Variants in DOCK3 observed in about 807,000 individuals in gnomAD.
DOCK3 encodes dedicator of cytokinesis 3.
In DOCK3, 60 loss-of-function variants were observed where a neutral mutation model predicts 265.6. The observed-to-expected ratio is 0.23, with a 90% CI of 0.18 to 0.28. DOCK3 has a LOEUF of 0.28. DOCK3 is among the 10% of genes least tolerant of loss of function. The pLI is 1.00. For missense variants in DOCK3, 1,981 were observed against 2,594.3 expected (o/e 0.76, Z 5.14); for synonymous variants, 881 against 938.0 (o/e 0.94, Z 1.11).
At chr3:51,250,269 TAAAA>T (rs200311513) in intron 22 of DOCK3, among the ~76,000 whole-genome samples, 2 of 136,188 alleles carry the variant, frequency 1.5e-5, no homozygotes, top group African/African-American at 2.8e-5. Context: ...GAATGATCAA[TAAAA>T]AAAAAAAAAA....
intron 5 of DOCK3, among the ~76,000 whole-genome samples, chr3:50,948,510 C>A (rs1463871918): frequency 1.3e-5 from 2 of 148,546 alleles, no homozygotes; most frequent in East Asian, 2.0e-4. Context: ...CTCAAGAGAT[C>A]CTCCCATTTC....
At chr3:51,311,091 G>C (rs994424013) in intron 28 of DOCK3, among the ~76,000 whole-genome samples, 1 of 152,220 alleles carries the variant, frequency 6.6e-6, no homozygotes, top group African/African-American at 2.4e-5. Flanking sequence ...AAGTTGCACA[G>C]ATACTTCCTC....
intron 27 of DOCK3, among the ~76,000 whole-genome samples, chr3:51,295,684 ATTTC>A (rs1387657895): frequency 4.0e-5 from 6 of 149,990 alleles, no homozygotes; most frequent in Non-Finnish European, 7.4e-5. Context: ...CAAAAGATTA[ATTTC>A]TTTCTCCTAA....
chr3:51,228,344 T>C (rs923561848), intron 17 of DOCK3, among the ~76,000 whole-genome samples: 63 of 152,230 alleles, frequency 4.1e-4, no homozygotes, highest in African/African-American at 1.4e-3. Flanking sequence ...CAACCCCTCA[T>C]TGCCATTGTG....
intron 5 of DOCK3, among the ~76,000 whole-genome samples, chr3:51,005,628 A>G (rs1047913099): frequency 2.0e-5 from 3 of 152,162 alleles, no homozygotes; most frequent in Admixed American, 1.3e-4. Flanking sequence ...AATTTCTCAT[A>G]CTATAACTCC....
At chr3:51,072,656 C>T (rs548008933) in intron 6 of DOCK3, among the ~76,000 whole-genome samples, 8 of 152,188 alleles carry the variant, frequency 5.3e-5, no homozygotes, top group Admixed American at 1.3e-4. Context: ...GATCCACCCA[C>T]CTCAGCCTCC....
intron 3 of DOCK3, among the ~76,000 whole-genome samples, chr3:50,889,066 G>GGTGTGTGTGTGTGTGTGT (rs36180907): frequency 7.5e-6 from 1 of 134,192 alleles, no homozygotes; most frequent in Non-Finnish European, 1.6e-5. Context: ...TTAAGCCATG[G>GGTGTGTGTGTGTGTGTGT]GTGTGTGTGT....
At position 51,356,198 on chromosome 3, in the gene DOCK3, G is replaced by A; in HGVS notation, c.4359G>A (p.Lys1453=). The A allele has an allele frequency of 6.2e-7, 1 of 1,614,022 alleles. No individual in the cohort carries two copies. The highest frequency in any genetic ancestry group is 1.1e-5 in the South Asian group (1 of 91,086). Residue 1453 remains lysine (K), a synonymous_variant, in exon 42 of 53, where the codon AAG becomes AAA. Transcript: ENST00000266037. ...KSFYRVNNVR[K]FRYDRPFHKG... ...TCTATCGCGTCAACAATGTGAGGAA[G>A]TTCCGGTATGACAGGCCTTTTCACA...
At chr3:50,809,097 G>A (rs556894553) in intron 2 of DOCK3, among the ~76,000 whole-genome samples, 58 of 152,104 alleles carry the variant, frequency 3.8e-4, no homozygotes, top group Non-Finnish European at 6.9e-4. Context: ...GGAAAAGATT[G>A]GTAAGTTATA....
intron 5 of DOCK3, among the ~76,000 whole-genome samples, chr3:50,996,223 C>CTT (rs754305815): frequency 4.2e-5 from 6 of 141,582 alleles, no homozygotes; most frequent in Admixed American, 1.4e-4. Context: ...TTTTTCTTAA[C>CTT]TTTTTTTTTT....
At chr3:51,271,236 A>G (rs1451403021) in intron 24 of DOCK3, among the ~76,000 whole-genome samples, 2 of 152,232 alleles carry the variant, frequency 1.3e-5, no homozygotes, top group Admixed American at 6.5e-5. Context: ...ACATAGGGGC[A>G]TGTCACTGGG....
intron 1 of DOCK3, among the ~76,000 whole-genome samples, chr3:50,693,345 C>A (rs2035373646): frequency 6.6e-6 from 1 of 152,086 alleles, no homozygotes; most frequent in African/African-American, 2.4e-5. Context: ...AATGTTAAGT[C>A]TTCCAATCAG....
chr3:50,889,582 T>C (rs1347176029), intron 3 of DOCK3, among the ~76,000 whole-genome samples: 1 of 151,996 alleles, frequency 6.6e-6, no homozygotes, highest in Non-Finnish European at 1.5e-5. Context: ...AGTTCTTGAA[T>C]TGATTCACTC....
In DOCK3 at chr3:51,263,705, A is replaced by T. The variant is rs189208712; in HGVS notation, c.2355+3379A>T. On this transcript the variant is annotated intron_variant, in intron 23 of 52. Transcript: ENST00000266037. ...CACATGCAAAGACACACATAGGCTC[A>T]AAATACAGGGATGGAGGACTATTTA... Among the ~76,000 whole-genome samples the T allele has an allele frequency of 2.0e-5, 3 of 152,354 alleles. No homozygotes were observed. In the East Asian group the frequency reaches 5.8e-4, roughly 29 times the overall value.
chr3:50,703,246 A>G (rs2036167666), intron 1 of DOCK3, among the ~76,000 whole-genome samples: 4 of 152,048 alleles, frequency 2.6e-5, no homozygotes. Flanking sequence ...TTGGTTTGCA[A>G]GTATTTTGTT....
At chr3:51,290,596 A>C (rs1037927741) in intron 27 of DOCK3, among the ~76,000 whole-genome samples, 2 of 152,148 alleles carry the variant, frequency 1.3e-5, no homozygotes, top group Admixed American at 6.5e-5. Context: ...ATGACGAGTT[A>C]ATGGGTGCAG....
chr3:51,128,608 A>G (rs917961068), intron 9 of DOCK3, among the ~76,000 whole-genome samples: 14 of 152,294 alleles, frequency 9.2e-5, no homozygotes, highest in Admixed American at 8.5e-4. Flanking sequence ...GCAAACCCAT[A>G]TCCAGAGTAA....
intron 22 of DOCK3, among the ~76,000 whole-genome samples, chr3:51,256,617 G>T (rs1317048291): frequency 3.4e-5 from 5 of 147,200 alleles, no homozygotes; most frequent in African/African-American, 1.3e-4. Flanking sequence ...TTTTTAGATG[G>T]AGTCTCACTC....
chr3:51,006,959 T>C (rs562723212), intron 5 of DOCK3, among the ~76,000 whole-genome samples: 1 of 152,368 alleles, frequency 6.6e-6, no homozygotes, highest in Admixed American at 6.5e-5. Flanking sequence ...GAACTCATCC[T>C]TTTTTATGGC....
Sources: allele counts gnomAD v4.1 joint callset (sites outside exome capture counted in the v4.1 genomes callset), GRCh38; gene constraint gnomAD v4.1.1; transcripts MANE v1.5; gene names NCBI Gene and HGNC (gene_info 2026-07-23, HGNC 2026-07-21).